Variants in IPPK observed in about 807,000 individuals in gnomAD.
IPPK encodes IPK1 homolog.
A neutral mutation model predicts 64.6 loss-of-function variants in IPPK; 22 were observed. That is an observed-to-expected ratio of 0.34 (90% CI 0.24 to 0.49). The LOEUF (loss-of-function observed/expected upper bound fraction) is 0.49. Among genes scored for constraint, IPPK ranks in the 20% least tolerant of loss-of-function variants. The probability of loss-of-function intolerance (pLI) is 0.99; values close to 1 mark genes in which losing one functional copy is unlikely to be tolerated. For missense variants in IPPK, 532 were observed against 630.7 expected (o/e 0.84, Z 1.68); for synonymous variants, 262 against 247.2 (o/e 1.06, Z -0.56).
intron 1 of IPPK, among the ~76,000 whole-genome samples, chr9:92,660,173 T>G (rs1852453301): frequency 6.6e-6 from 1 of 152,214 alleles, no homozygotes; most frequent in Admixed American, 6.5e-5. Context: ...CACATGATGG[T>G]GTGTGCTATT....
chr9:92,616,334 A>C (rs1851433875), intron 12 of IPPK: 1 of 365,900 alleles, frequency 2.7e-6, no homozygotes. Flanking sequence ...AGGCCAGTGC[A>C]CCCCACCATA....
At chr9:92,651,854 T>C (rs1159986708) in intron 4 of IPPK, among the ~76,000 whole-genome samples, 1 of 152,154 alleles carries the variant, frequency 6.6e-6, no homozygotes, top group East Asian at 1.9e-4. Context: ...TAGCTGGGAT[T>C]ACAGGTGCCC....
chr9:92,664,889 A>C (rs1852562709), intron 1 of IPPK, among the ~76,000 whole-genome samples: 1 of 152,222 alleles, frequency 6.6e-6, no homozygotes, highest in Admixed American at 6.5e-5. Flanking sequence ...AAGGAGGCTC[A>C]GTCAGGCAGA....
At chr9:92,667,257 G>A (rs1234108087) in intron 1 of IPPK, among the ~76,000 whole-genome samples, 2 of 152,198 alleles carry the variant, frequency 1.3e-5, no homozygotes, top group African/African-American at 2.4e-5. Context: ...TCCCACACCC[G>A]GCTGGAAGGA....
intron 11 of IPPK, among the ~76,000 whole-genome samples, chr9:92,631,243 T>A (rs539223574): frequency 6.6e-6 from 1 of 150,408 alleles, no homozygotes; most frequent in South Asian, 2.1e-4. Context: ...TCACCCAGGC[T>A]GGAGTGCAGT....
intron 11 of IPPK, among the ~76,000 whole-genome samples, chr9:92,624,634 A>C (rs1167955744): frequency 6.6e-6 from 1 of 152,080 alleles, no homozygotes; most frequent in Non-Finnish European, 1.5e-5. Context: ...ACTCTGTCTC[A>C]AAAAAACAAA....
Position 92,642,804 on chromosome 9 carries a change from T to C in IPPK, c.511A>G (p.Thr171Ala), listed in dbSNP as rs2131443293. The change falls in exon 7 of 13, where the codon ACT becomes GCT. Residue 171 changes from threonine (T) to alanine (A), a missense_variant. Coordinates refer to ENST00000287996, the MANE Select transcript of IPPK (RefSeq NM_022755.6). Reference sequence around the variant, plus strand: ...TTGCTGATCTGCTTCCACTTCCCAGTTGCTACCTGTGAAAACACCAACAGG... The same window carrying C: ...TTGCTGATCTGCTTCCACTTCCCAGCTGCTACCTGTGAAAACACCAACAGG... The part of the protein sequence containing the change: ...YCMHQHLKVA[T>A]GKWKQISKYC... 1 of 1,613,986 alleles carries C rather than the reference T, an allele frequency of 6.2e-7. No homozygotes were observed. The highest frequency in any genetic ancestry group is 1.7e-4 in the Middle Eastern group (1 of 6,060).
At chr9:92,636,209 G>A (rs1312200724) in intron 9 of IPPK, among the ~76,000 whole-genome samples, 1 of 152,224 alleles carries the variant, frequency 6.6e-6, no homozygotes, top group Admixed American at 6.5e-5. Flanking sequence ...GAAAACTGTA[G>A]TCAGCTGCAG....
chr9:92,642,616 A>G (rs1852073372), intron 7 of IPPK, 136 bp downstream of exon 7: 2 of 705,956 alleles, frequency 2.8e-6, no homozygotes, highest in Admixed American at 2.3e-5. Context: ...CTGATGGCAA[A>G]AGAGAGCCCT....
In IPPK at chr9:92,619,523, T is replaced by C. The variant is rs1393367498; in HGVS notation, c.1213A>G (p.Ile405Val). 4 of 1,593,626 alleles carry C rather than the reference T, an allele frequency of 2.5e-6. No individual in the cohort carries two copies. The highest frequency in any genetic ancestry group is 1.1e-5 in the South Asian group (1 of 86,982). ...RVAMTAKDCS[I>V]MIALSPCLQD... ...AGACAGGGAGACAGTGCAATCATGA[T>C]GGAGCAGTCCTTGGCAGTCATGGCG... The change falls in exon 12 of 13, where the codon ATC becomes GTC. Residue 405 changes from isoleucine (I) to valine (V), a missense_variant. Ile to Val is a conservative substitution (Grantham distance 29). Coordinates refer to ENST00000287996, the MANE Select transcript of IPPK (RefSeq NM_022755.6).
intron 9 of IPPK, 26 bp downstream of exon 9, chr9:92,637,975 C>A: frequency 6.6e-7 from 1 of 1,511,608 alleles, no homozygotes; most frequent in Non-Finnish European, 8.9e-7. Flanking sequence ...GCCCCCACCG[C>A]CTACCTGGGG....
chr9:92,669,084 T>C (rs554924740), intron 1 of IPPK, among the ~76,000 whole-genome samples: 2 of 152,328 alleles, frequency 1.3e-5, no homozygotes, highest in African/African-American at 4.8e-5. Flanking sequence ...CTAGTTCCAC[T>C]TCACAAATGT....
At chr9:92,629,342 G>GA (rs1438842734) in intron 11 of IPPK, among the ~76,000 whole-genome samples, 5 of 152,098 alleles carry the variant, frequency 3.3e-5, no homozygotes, top group African/African-American at 9.7e-5. Context: ...ATATTACCAA[G>GA]AAAGTAAAAA....
chr9:92,658,754 G>T (rs1852424149), intron 1 of IPPK, 73 bp from the exon 2 acceptor site: 5 of 1,375,582 alleles, frequency 3.6e-6, no homozygotes, highest in South Asian at 2.3e-5. Context: ...CAGTTTGGGG[G>T]TCCCATCCTC....
chr9:92,639,034 T>C (rs1851998371), intron 8 of IPPK, among the ~76,000 whole-genome samples: 1 of 152,138 alleles, frequency 6.6e-6, no homozygotes, highest in South Asian at 2.1e-4. Flanking sequence ...AAACCTTATT[T>C]ATTTCTTTTT....
At chr9:92,642,698 T>G in intron 7 of IPPK, 54 bp downstream of exon 7, 10 of 1,383,994 alleles carry the variant, frequency 7.2e-6, no homozygotes, top group East Asian at 2.3e-5. Flanking sequence ...GCCCCCGCCC[T>G]ACCCATCTCC....
At chr9:92,639,053 A>T (rs962917822) in intron 8 of IPPK, among the ~76,000 whole-genome samples, 16 of 152,156 alleles carry the variant, frequency 1.1e-4, no homozygotes, top group Admixed American at 7.9e-4. Context: ...TTAAAAAAAA[A>T]TTTTAATGTT....
rs1288906934 is a variant in IPPK, at chr9:92,615,593, C to CACTT, written c.*235_*238dup. On this transcript the variant is annotated 3_prime_UTR_variant, in exon 13 of 13. Coordinates refer to ENST00000287996, the MANE Select transcript of IPPK (RefSeq NM_022755.6). ...GAACGTCTTCCCAGGGCTTAACGGA[C>CACTT]ACTTCCATTTTAAGAGTGTGAGCAG... The CACTT allele has an allele frequency of 4.0e-6, 2 of 499,144 alleles. No individual in the cohort carries two copies. The highest frequency in any genetic ancestry group is 3.9e-5 in the African/African-American group (2 of 51,696). 30.9% of individuals were successfully genotyped at this position (499,144 alleles called of 1,614,324 possible).
chr9:92,658,833 G>A, intron 1 of IPPK, 152 bp from the exon 2 acceptor site: 1 of 671,902 alleles, frequency 1.5e-6, no homozygotes. Context: ...GGGAGGCCAG[G>A]GCTGGGACCC....
Sources: allele counts gnomAD v4.1 joint callset (sites outside exome capture counted in the v4.1 genomes callset), GRCh38; gene constraint gnomAD v4.1.1; transcripts MANE v1.5; gene names NCBI Gene and HGNC (gene_info 2026-07-23, HGNC 2026-07-21).